Variants in PSD3 observed in about 807,000 individuals in gnomAD.
PSD3 encodes pleckstrin and Sec7 domain containing 3, also known as PH and SEC7 domain-containing protein 3.
A neutral mutation model predicts 105.5 loss-of-function variants in PSD3; 49 were observed. That is an observed-to-expected ratio of 0.46 (90% CI 0.37 to 0.59). The LOEUF (loss-of-function observed/expected upper bound fraction) is 0.59. PSD3 is among the 20% of genes least tolerant of loss of function. PSD3 has a pLI of 0.00. For missense variants in PSD3, 1,561 were observed against 1,263.8 expected (o/e 1.24, Z -3.57); for synonymous variants, 557 against 457.8 (o/e 1.22, Z -2.77).
intron 12 of PSD3, among the ~76,000 whole-genome samples, chr8:18,581,323 C>G (rs556551555): frequency 3.6e-4 from 55 of 152,140 alleles, no homozygotes; most frequent in Non-Finnish European, 6.0e-4. Context: ...CTTCACATTC[C>G]CATAGTAATA....
At chr8:19,072,609 C>A (rs1829307475) in intron 1 of PSD3, among the ~76,000 whole-genome samples, 1 of 152,012 alleles carries the variant, frequency 6.6e-6, no homozygotes. Context: ...AGAGAGAAAA[C>A]CCAGGCCACG....
chr8:19,045,959 C>A (rs553172268), intron 1 of PSD3, among the ~76,000 whole-genome samples: 1 of 152,190 alleles, frequency 6.6e-6, no homozygotes, highest in East Asian at 1.9e-4. Flanking sequence ...TGGCTATAAC[C>A]ATCATCCCTT....
At chr8:19,062,028 C>A (rs1467427464) in intron 1 of PSD3, among the ~76,000 whole-genome samples, 1 of 152,144 alleles carries the variant, frequency 6.6e-6, no homozygotes, top group African/African-American at 2.4e-5. Context: ...AAGCGCCTTC[C>A]CAATGAAACT....
intron 11 of PSD3, among the ~76,000 whole-genome samples, chr8:18,615,532 A>G (rs534183016): frequency 6.6e-6 from 1 of 152,306 alleles, no homozygotes; most frequent in South Asian, 2.1e-4. Context: ...TATTTGAGTG[A>G]TATTTTCTTT....
chr8:18,882,184 G>A (rs1818147513), intron 2 of PSD3, among the ~76,000 whole-genome samples: 2 of 151,788 alleles, frequency 1.3e-5, no homozygotes, highest in Non-Finnish European at 2.9e-5. Context: ...CTCTAGCCGG[G>A]ACAACACAGC....
chr8:18,613,236 C>T (rs35318164), intron 11 of PSD3, among the ~76,000 whole-genome samples: 30,099 of 151,996 alleles, frequency 0.2, 3,192 homozygotes, highest in Middle Eastern at 0.36. Flanking sequence ...ACCAGACTGC[C>T]GGTCCGGATG....
intron 14 of PSD3, among the ~76,000 whole-genome samples, chr8:18,562,426 G>A (rs1347662506): frequency 6.6e-6 from 1 of 152,172 alleles, no homozygotes; most frequent in Non-Finnish European, 1.5e-5. Flanking sequence ...AAATCCAAAG[G>A]GCTGTCAACA....
chr8:19,052,724 G>A (rs942330250), intron 1 of PSD3, among the ~76,000 whole-genome samples: 1 of 152,066 alleles, frequency 6.6e-6, no homozygotes, highest in African/African-American at 2.4e-5. Flanking sequence ...AAGGGGGAAG[G>A]AGTCTAGTTG....
intron 1 of PSD3, among the ~76,000 whole-genome samples, chr8:18,949,279 T>TATATATATATATATATA (rs1563453978): frequency 1.3e-5 from 1 of 78,302 alleles, no homozygotes; most frequent in Admixed American, 1.3e-4. Context: ...ATATATATAT[T>TATATATATATATATATA]TATAGTTTTC....
intron 11 of PSD3, among the ~76,000 whole-genome samples, chr8:18,618,183 C>CTCACCTTA (rs1212179709): frequency 5.3e-5 from 8 of 151,878 alleles, no homozygotes; most frequent in Middle Eastern, 3.4e-3. Context: ...AATTGACAAT[C>CTCACCTTA]AGGAAATCTT....
chr8:18,842,459 C>T (rs994050136), intron 4 of PSD3, among the ~76,000 whole-genome samples: 1 of 152,180 alleles, frequency 6.6e-6, no homozygotes, highest in Non-Finnish European at 1.5e-5. Flanking sequence ...TTTGGCCGGG[C>T]GCGGTGGCTC....
chr8:18,784,565 T>C (rs1808948475), intron 8 of PSD3, among the ~76,000 whole-genome samples: 1 of 152,236 alleles, frequency 6.6e-6, no homozygotes, highest in African/African-American at 2.4e-5. Context: ...TTGTCAGTTA[T>C]ACTTCTGACC....
chr8:18,768,444 A>G (rs1044395938), intron 8 of PSD3, among the ~76,000 whole-genome samples: 4 of 152,070 alleles, frequency 2.6e-5, no homozygotes, highest in Middle Eastern at 3.2e-3. Flanking sequence ...AAACAATATG[A>G]AAATTAGCTG....
At chr8:18,743,914 C>G (rs959812026) in intron 9 of PSD3, among the ~76,000 whole-genome samples, 1 of 151,648 alleles carries the variant, frequency 6.6e-6, no homozygotes, top group Non-Finnish European at 1.5e-5. Context: ...ATGGTTGCAT[C>G]GCTATATTGC....
chr8:18,750,379 G>A lies in PSD3; in HGVS notation c.2172+15070C>T, dbSNP rs538228253. Among the ~76,000 whole-genome samples the A allele has an allele frequency of 6.6e-4, 100 of 152,074 alleles. 1 individual carries two copies. Among genetic ancestry groups the A allele is most frequent in the Non-Finnish European group, 2.4e-4 (16 of 68,020 alleles). On this transcript the variant is annotated intron_variant, in intron 9 of 15. Transcript: ENST00000327040. ...GAAGCTGCAGACCTTTGCGATGAGTGTTACAGCTCTTAAGGTAGCGCGTCT... is the reference window on the plus strand; with the variant it reads ...GAAGCTGCAGACCTTTGCGATGAGTATTACAGCTCTTAAGGTAGCGCGTCT...
intron 12 of PSD3, among the ~76,000 whole-genome samples, chr8:18,582,829 T>A (rs1478233689): frequency 9.3e-5 from 1 of 10,708 alleles, no homozygotes; most frequent in African/African-American, 1.2e-4. Flanking sequence ...TTTTTTTTTT[T>A]TTTTTTTTTT....
At chr8:18,894,537 A>T (rs995393297) in intron 2 of PSD3, among the ~76,000 whole-genome samples, 3 of 152,204 alleles carry the variant, frequency 2.0e-5, no homozygotes, top group African/African-American at 7.2e-5. Context: ...TTCAGAAGCA[A>T]CTATGTCAAT....
rs77454662 is a variant in PSD3 at position 18,747,508 on chromosome 8, C to T, written c.2172+17941G>A. On this transcript the variant is annotated intron_variant, in intron 9 of 15. Transcript: ENST00000327040. ...AACTACAGGTGAAAGCAACAGCAAT[C>T]TTTCTGAATTATCAGAAAACATACC... 9.1e-3 allele frequency among the ~76,000 whole-genome samples: 1,383 copies of T among 152,320 alleles called. 26 individuals are homozygous for T. Among genetic ancestry groups the T allele is most frequent in the African/African-American group, 0.031 (1,305 of 41,560 alleles).
At chr8:18,565,186 G>T (rs556867760) in intron 14 of PSD3, among the ~76,000 whole-genome samples, 1 of 152,126 alleles carries the variant, frequency 6.6e-6, no homozygotes, top group African/African-American at 2.4e-5. Flanking sequence ...TGCATTTTCT[G>T]CAAGTCCCGA....
Sources: gnomAD v4.1 joint callset for allele counts (sites outside exome capture counted in the v4.1 genomes callset) on GRCh38, gnomAD v4.1.1 for gene constraint, MANE v1.5 for transcripts, NCBI Gene and HGNC (gene_info 2026-07-23, HGNC 2026-07-21) for gene names.